CERS6: variants seen among roughly 807,000 people sequenced by gnomAD.
CERS6 encodes LAG1 homolog, ceramide synthase 6.
Under a neutral mutation model 56.8 loss-of-function variants are expected in CERS6, and 26 were observed. That is an observed-to-expected ratio of 0.46 (90% CI 0.34 to 0.63). The LOEUF is 0.63. Among genes scored for constraint, CERS6 ranks in the 30% least tolerant of loss-of-function variants. The pLI, the probability that CERS6 is intolerant of heterozygous loss-of-function variation, is 0.01. For missense variants in CERS6, 415 were observed against 467.5 expected (o/e 0.89, Z 1.04); for synonymous variants, 164 against 173.3 (o/e 0.95, Z 0.42).
intron 2 of CERS6, among the ~76,000 whole-genome samples, chr2:168,560,344 T>C (rs1255486226): frequency 2.0e-5 from 3 of 152,122 alleles, no homozygotes; most frequent in Non-Finnish European, 4.4e-5. Context: ...AAGAGGAAAA[T>C]TAACATTTAC....
Position 168,630,892 on chromosome 2 carries a change from A to G in CERS6, c.408-93A>G, listed in dbSNP as rs938118708. The G allele has an allele frequency of 9.0e-6, 5 of 556,412 alleles. No individual in the cohort carries two copies. In the African/African-American group the frequency reaches 9.7e-5, roughly 11 times the overall value. The allele number at this position is 556,412 out of a possible 1,614,324, so 34.5% of individuals were successfully genotyped here. A position where few individuals can be genotyped will look rare whatever the true frequency, so the allele number is the denominator to read the frequency against. ...TAGTTGAGGTAGGGGGACAAATTTA[A>G]TTTAATGAACTCTTTTCCCTCCCTT... On this transcript the variant is annotated intron_variant, in intron 3 of 9. Coordinates refer to ENST00000305747, the MANE Select transcript of CERS6 (RefSeq NM_203463.3).
intron 3 of CERS6, among the ~76,000 whole-genome samples, chr2:168,580,994 T>C (rs1683394002): frequency 6.6e-6 from 1 of 152,066 alleles, no homozygotes; most frequent in Non-Finnish European, 1.5e-5. Flanking sequence ...CTGGGCCTTC[T>C]TAAATCTATG....
intron 3 of CERS6, among the ~76,000 whole-genome samples, chr2:168,587,666 G>C (rs1196809666): frequency 6.6e-6 from 1 of 152,070 alleles, no homozygotes; most frequent in East Asian, 1.9e-4. Flanking sequence ...GAAAAAAAAT[G>C]CTTCAGTGAA....
chr2:168,741,158 C>T (rs4668102), intron 8 of CERS6, among the ~76,000 whole-genome samples: 64,223 of 151,956 alleles, frequency 0.42, 16,309 homozygotes, highest in Admixed American at 0.56. Context: ...TATGACTGAA[C>T]GAATTATCTA....
Position 168,630,963 on chromosome 2 carries a change from ATT to A in CERS6, c.408-14_408-13del. The A allele has an allele frequency of 7.9e-7, 1 of 1,260,582 alleles. No homozygotes were observed. Among genetic ancestry groups the A allele is most frequent in the South Asian group, 1.3e-5 (1 of 74,286 alleles). The allele number at this position is 1,260,582 out of a possible 1,614,324, so 78.1% of individuals were successfully genotyped here. On this transcript the variant is annotated intron_variant, in intron 3 of 9. Coordinates refer to ENST00000305747, the MANE Select transcript of CERS6 (RefSeq NM_203463.3). ...TGAATATATAAACTGAATGTCACAG[ATT>A]TTTTTTTAACCTTCTACAGGTGGAG...
rs183727940 is a variant in CERS6, at chr2:168,693,068, A to G, written c.517-1891A>G. Among the ~76,000 whole-genome samples, 7 of 152,312 alleles carry G rather than the reference A, an allele frequency of 4.6e-5. No individual in the cohort carries two copies. In the South Asian group the frequency reaches 1.5e-3, roughly 32 times the overall value. The stretch of plus-strand genomic sequence containing the variant: ...ATTAAATAATTTCATATACATGTGT[A>G]TATTCTAAGTTTAAAATAATGTGAA... On this transcript the variant is annotated intron_variant, in intron 5 of 9. Transcript: ENST00000305747.
chr2:168,521,421 G>T (rs962954411), intron 1 of CERS6, among the ~76,000 whole-genome samples: 1 of 152,118 alleles, frequency 6.6e-6, no homozygotes, highest in African/African-American at 2.4e-5. Context: ...TGAGTTGATA[G>T]ATTTGTCATG....
intron 4 of CERS6, among the ~76,000 whole-genome samples, chr2:168,681,272 C>T (rs908091853): frequency 2.0e-5 from 3 of 152,178 alleles, no homozygotes; most frequent in Non-Finnish European, 4.4e-5. Flanking sequence ...TTATTTCTCT[C>T]ATTCTACTTT....
intron 2 of CERS6, among the ~76,000 whole-genome samples, chr2:168,550,640 G>T (rs1695549830): frequency 6.6e-6 from 1 of 152,180 alleles, no homozygotes; most frequent in African/African-American, 2.4e-5. Flanking sequence ...GCCACTGGCT[G>T]ACACACTGTA....
At chr2:168,586,279 G>T (rs1377459716) in intron 3 of CERS6, among the ~76,000 whole-genome samples, 1 of 150,696 alleles carries the variant, frequency 6.6e-6, no homozygotes, top group Non-Finnish European at 1.5e-5. Flanking sequence ...AGTCGAAGAT[G>T]ACACTTTGAT....
intron 6 of CERS6, among the ~76,000 whole-genome samples, chr2:168,698,476 A>G (rs1414453950): frequency 1.3e-5 from 2 of 152,054 alleles, no homozygotes. Flanking sequence ...AAGAGAGGGA[A>G]AGGTGCCACA....
At chr2:168,628,650 G>A (rs912874490) in intron 3 of CERS6, among the ~76,000 whole-genome samples, 1 of 152,154 alleles carries the variant, frequency 6.6e-6, no homozygotes, top group Admixed American at 6.6e-5. Flanking sequence ...AGAAATGTAC[G>A]TAATCATTTG....
intron 2 of CERS6, among the ~76,000 whole-genome samples, chr2:168,559,885 T>C: frequency 6.6e-6 from 1 of 151,178 alleles, no homozygotes; most frequent in Non-Finnish European, 1.5e-5. Flanking sequence ...TAAGCAAAGA[T>C]ATAATAAAGG....
chr2:168,569,401 A>G lies in CERS6; in HGVS notation c.407+8079A>G, dbSNP rs535641878. Among the ~76,000 whole-genome samples, 9 of 152,372 alleles carry G rather than the reference A, an allele frequency of 5.9e-5. No homozygotes were observed. In the South Asian group the frequency reaches 1.9e-3, roughly 32 times the overall value. ...AATGTCAGAAGGGTGGCAGTGAGTT[A>G]CTGTGAAGTGCTGGAAGGAGGAAGA... On this transcript the variant is annotated intron_variant, in intron 3 of 9. Transcript: ENST00000305747.
At chr2:168,653,647 A>G (rs1422851460) in intron 4 of CERS6, among the ~76,000 whole-genome samples, 1 of 152,168 alleles carries the variant, frequency 6.6e-6, no homozygotes, top group Non-Finnish European at 1.5e-5. Flanking sequence ...CTCCATTTCT[A>G]TTATTTGGCT....
intron 3 of CERS6, among the ~76,000 whole-genome samples, chr2:168,627,616 T>C (rs544903099): frequency 8.0e-6 from 1 of 124,860 alleles, no homozygotes; most frequent in East Asian, 2.4e-4. Flanking sequence ...GTTGTTTTTA[T>C]GCTTGAACAC....
At chr2:168,586,599 A>G (rs116653943) in intron 3 of CERS6, among the ~76,000 whole-genome samples, 4 of 152,190 alleles carry the variant, frequency 2.6e-5, no homozygotes, top group African/African-American at 9.7e-5. Flanking sequence ...CTAGACACAT[A>G]GATAAAATGA....
At chr2:168,624,594 A>G (rs1251183858) in intron 3 of CERS6, among the ~76,000 whole-genome samples, 1 of 152,154 alleles carries the variant, frequency 6.6e-6, no homozygotes, top group Admixed American at 6.6e-5. Flanking sequence ...TGTTTTGTAA[A>G]AATAAATAGG....
intron 3 of CERS6, among the ~76,000 whole-genome samples, chr2:168,623,326 C>T (rs1220438949): frequency 6.6e-6 from 1 of 152,076 alleles, no homozygotes; most frequent in Non-Finnish European, 1.5e-5. Context: ...TTCCAGGGAT[C>T]TAATATATAG....
Sources: gnomAD v4.1 joint callset for allele counts (sites outside exome capture counted in the v4.1 genomes callset) on GRCh38, gnomAD v4.1.1 for gene constraint, MANE v1.5 for transcripts, NCBI Gene and HGNC (gene_info 2026-07-23, HGNC 2026-07-21) for gene names.